Variants in RARB observed in about 807,000 individuals in gnomAD.
RARB encodes the protein retinoic acid receptor beta.
Under a neutral mutation model 51.9 loss-of-function variants are expected in RARB, and 17 were observed. The observed-to-expected ratio is 0.33, with a 90% CI of 0.22 to 0.49. The LOEUF (loss-of-function observed/expected upper bound fraction) is 0.49, where lower values mean the gene tolerates loss of function less well. RARB is among the 20% of genes least tolerant of loss of function. The pLI, the probability that RARB is intolerant of heterozygous loss-of-function variation, is 0.99. For missense variants in RARB, 369 were observed against 550.8 expected, an observed-to-expected ratio of 0.67 and a Z score of 3.30; for synonymous variants, 215 against 195.4, an observed-to-expected ratio of 1.10 and a Z score of -0.84.
intron 5 of RARB, among the ~76,000 whole-genome samples, chr3:25,246,632 T>A (rs1702567847): frequency 6.6e-6 from 1 of 152,184 alleles, no homozygotes; most frequent in African/African-American, 2.4e-5. Flanking sequence ...CCTGTTTGCC[T>A]GGGTATCACC....
At chr3:24,983,150 A>G (rs947421761) in intron 2 of RARB, among the ~76,000 whole-genome samples, 2 of 152,162 alleles carry the variant, frequency 1.3e-5, no homozygotes, top group African/African-American at 4.8e-5. Context: ...TGTGCTAGTG[A>G]GCATTTGTAG....
chr3:25,197,173 T>A (rs1701264942), intron 5 of RARB, among the ~76,000 whole-genome samples: 1 of 152,168 alleles, frequency 6.6e-6, no homozygotes, highest in Non-Finnish European at 1.5e-5. Flanking sequence ...ATTGCCTAGG[T>A]TGTCTTCTAG....
At chr3:25,106,585 G>A (rs1699509070) in intron 3 of RARB, among the ~76,000 whole-genome samples, 1 of 150,774 alleles carries the variant, frequency 6.6e-6, no homozygotes, top group Admixed American at 6.6e-5. Context: ...TTACAGGCAT[G>A]AGCCCATGGC....
At chr3:25,406,263 T>C (rs1707405394) in intron 5 of RARB, among the ~76,000 whole-genome samples, 1 of 152,160 alleles carries the variant, frequency 6.6e-6, no homozygotes. Flanking sequence ...AGAAGAGTTG[T>C]CCTCCTGTAT....
intron 5 of RARB, among the ~76,000 whole-genome samples, chr3:25,370,730 T>C (rs1706273529): frequency 1.3e-5 from 2 of 152,188 alleles, no homozygotes; most frequent in African/African-American, 2.4e-5. Context: ...GCGTGTATCA[T>C]GTAGGTTCTT....
chr3:24,965,066 A>G (rs909257581), intron 2 of RARB, among the ~76,000 whole-genome samples: 1 of 152,178 alleles, frequency 6.6e-6, no homozygotes, highest in African/African-American at 2.4e-5. Context: ...ACAATAGCCC[A>G]TGTAATCGAT....
At chr3:24,968,418 A>G (rs970583293) in intron 2 of RARB, among the ~76,000 whole-genome samples, 1 of 152,126 alleles carries the variant, frequency 6.6e-6, no homozygotes, top group African/African-American at 2.4e-5. Context: ...TAACTTTGCC[A>G]TGTAATAAAC....
intron 2 of RARB, among the ~76,000 whole-genome samples, chr3:24,865,796 A>G (rs952100910): frequency 6.6e-6 from 1 of 152,200 alleles, no homozygotes; most frequent in African/African-American, 2.4e-5. Flanking sequence ...CTATTGCAGC[A>G]TGAATGGGTG....
At chr3:25,535,455 G>A (rs1699102394) in intron 3 of RARB, among the ~76,000 whole-genome samples, 1 of 149,268 alleles carries the variant, frequency 6.7e-6, no homozygotes, top group Admixed American at 6.7e-5. Flanking sequence ...TACATGTGCA[G>A]AATGTGCAGG....
chr3:25,169,010 A>C (rs1700601606), intron 4 of RARB, among the ~76,000 whole-genome samples: 1 of 152,228 alleles, frequency 6.6e-6, no homozygotes, highest in African/African-American at 2.4e-5. Flanking sequence ...TTTCTAAAGC[A>C]ATGTAAAAAG....
chr3:25,418,567 ACCATTTCTAG>A (rs1707770725), intron 5 of RARB, among the ~76,000 whole-genome samples: 1 of 152,092 alleles, frequency 6.6e-6, no homozygotes, highest in South Asian at 2.1e-4. Context: ...TCAGAGGTCT[ACCATTTCTAG>A]CCTCTGTAAC....
chr3:25,413,771 C>T (rs1445011164), intron 5 of RARB, among the ~76,000 whole-genome samples: 2 of 152,120 alleles, frequency 1.3e-5, no homozygotes, highest in Non-Finnish European at 2.9e-5. Flanking sequence ...ATCTTTGCAA[C>T]CAAGGCTTGT....
At chr3:24,961,635 G>A (rs1051536273) in intron 2 of RARB, among the ~76,000 whole-genome samples, 2 of 151,956 alleles carry the variant, frequency 1.3e-5, no homozygotes, top group Non-Finnish European at 2.9e-5. Flanking sequence ...GGAGGGCGGG[G>A]CATGGAGTTC....
At chr3:25,282,540 A>G (rs548942053) in intron 5 of RARB, among the ~76,000 whole-genome samples, 2 of 152,316 alleles carry the variant, frequency 1.3e-5, no homozygotes, top group African/African-American at 4.8e-5. Context: ...AGTAGAATCT[A>G]AGCTCCATAG....
At chr3:25,428,173 A>T, upstream of RARB, 1 of 1,140,648 alleles carries the variant, frequency 8.8e-7, no homozygotes, top group Non-Finnish European at 1.1e-6. Flanking sequence ...GTGATGTCAG[A>T]CTAGTTGGGT....
intron 2 of RARB, among the ~76,000 whole-genome samples, chr3:24,941,140 A>G (rs577001217): frequency 1.3e-5 from 2 of 152,094 alleles, no homozygotes; most frequent in African/African-American, 4.8e-5. Flanking sequence ...CCACTTTTGA[A>G]CTAATAGAGA....
chr3:25,078,456 G>A lies in RARB; in HGVS notation c.-328+18280G>A, dbSNP rs555816944. Among the ~76,000 whole-genome samples the A allele has an allele frequency of 6.3e-4, 96 of 151,320 alleles. 1 individual carries two copies. Among genetic ancestry groups the A allele is most frequent in the African/African-American group, 2.2e-3 (91 of 41,290 alleles). ...TTTTTAATTTTCTATTCCTTTTATT[G>A]ATGGATTTATCTATATGACAATGCT... is the stretch of plus-strand genomic sequence containing the variant. On this transcript the variant is annotated intron_variant, in intron 3 of 11. Coordinates refer to the RARB transcript ENST00000383772.
intron 3 of RARB, among the ~76,000 whole-genome samples, chr3:25,075,148 G>C (rs761298322): frequency 6.6e-6 from 1 of 152,138 alleles, no homozygotes; most frequent in Non-Finnish European, 1.5e-5. Flanking sequence ...AGATGTGGGG[G>C]TCTTCCAGTA....
intron 1 of RARB, among the ~76,000 whole-genome samples, chr3:25,445,940 TA>T (rs960350128): frequency 6.6e-6 from 1 of 152,280 alleles, no homozygotes; most frequent in African/African-American, 2.4e-5. Flanking sequence ...TATGGAGCTC[TA>T]AAAAAATCCA....
Sources: allele counts gnomAD v4.1 joint callset (sites outside exome capture counted in the v4.1 genomes callset), GRCh38; gene constraint gnomAD v4.1.1; transcripts MANE v1.5; gene names NCBI Gene and HGNC (gene_info 2026-07-23, HGNC 2026-07-21).